ADGRL4: variants seen among roughly 807,000 people sequenced by gnomAD.
ADGRL4 encodes the protein EGF, latrophilin and seven transmembrane domain containing 1.
A neutral mutation model predicts 74.8 loss-of-function variants in ADGRL4; 90 were observed. That is an observed-to-expected ratio of 1.20 (90% confidence interval 1.02 to 1.43). The LOEUF is 1.43. Among genes scored for constraint, ADGRL4 ranks in the 40% most tolerant of loss-of-function variants. ADGRL4 has a pLI of 0.00. For missense variants in ADGRL4, 881 were observed against 814.3 expected (o/e 1.08, Z -1.00); for synonymous variants, 311 against 279.2 (o/e 1.11, Z -1.14).
At chr1:78,976,184 G>C (rs1650276891) in intron 2 of ADGRL4, among the ~76,000 whole-genome samples, 1 of 151,758 alleles carries the variant, frequency 6.6e-6, no homozygotes, top group Non-Finnish European at 1.5e-5. Context: ...ATGAGAGAAA[G>C]AATCTAGATA....
In ADGRL4 at chr1:78,921,715, A is replaced by G. The variant is rs1392422039; in HGVS notation, c.1155T>C (p.Ser385=). ...AGTATGTCAGCTCACAGCCCTCTGA[A>G]GACCAGCTGCCATTCATGGTATCAG... ...YSPDTMNGSW[S]SEGCELTYSN... is the part of the protein sequence containing the mutation. Residue 385 remains serine, a synonymous_variant, in exon 9 of 15, where the codon TCT becomes TCC. Coordinates refer to ENST00000370742, the MANE Select transcript of ADGRL4 (RefSeq NM_022159.4). The G allele has an allele frequency of 6.2e-7, 1 of 1,604,588 alleles. No individual in the cohort carries two copies. Among genetic ancestry groups the G allele is most frequent in the East Asian group, 2.3e-5 (1 of 44,020 alleles).
intron 4 of ADGRL4, 151 bp downstream of exon 4, chr1:78,939,037 A>T: frequency 9.5e-7 from 1 of 1,050,308 alleles, no homozygotes; most frequent in Non-Finnish European, 1.2e-6. Flanking sequence ...TCTTTGATGC[A>T]AACATGATGC....
At chr1:78,952,599 C>T (rs1352042399) in intron 2 of ADGRL4, among the ~76,000 whole-genome samples, 2 of 151,990 alleles carry the variant, frequency 1.3e-5, no homozygotes. Context: ...TGGATTCAAT[C>T]AGTCAAGACA....
chr1:78,952,219 C>G (rs1225466988), intron 2 of ADGRL4, among the ~76,000 whole-genome samples: 1 of 151,480 alleles, frequency 6.6e-6, no homozygotes. Flanking sequence ...TCCCTCTGGA[C>G]GTGATTGCCA....
At chr1:78,896,362 T>G (rs1648399974) in intron 12 of ADGRL4, among the ~76,000 whole-genome samples, 1 of 151,808 alleles carries the variant, frequency 6.6e-6, no homozygotes, top group Non-Finnish European at 1.5e-5. Flanking sequence ...TGTCTGTCCT[T>G]TGGCCCAATC....
At chr1:78,952,958 A>G (rs1649759752) in intron 2 of ADGRL4, among the ~76,000 whole-genome samples, 1 of 152,176 alleles carries the variant, frequency 6.6e-6, no homozygotes, top group Admixed American at 6.5e-5. Flanking sequence ...TTCTGTTTAC[A>G]CTTACTTATT....
At chr1:78,960,213 T>C (rs11587450) in intron 2 of ADGRL4, among the ~76,000 whole-genome samples, 43,722 of 152,074 alleles carry the variant, frequency 0.29, 6,324 homozygotes, top group Middle Eastern at 0.32. Flanking sequence ...CTTTAAAAAA[T>C]CTGTTTATAT....
At chr1:78,965,999 A>AAAAAAC (rs1186180999) in intron 2 of ADGRL4, among the ~76,000 whole-genome samples, 7 of 152,200 alleles carry the variant, frequency 4.6e-5, no homozygotes, top group South Asian at 2.1e-4. Context: ...ACCAAAAAAA[A>AAAAAAC]AAAAACAAAA....
intron 12 of ADGRL4, among the ~76,000 whole-genome samples, chr1:78,908,441 C>G (rs937910689): frequency 6.6e-6 from 1 of 151,926 alleles, no homozygotes; most frequent in Non-Finnish European, 1.5e-5. Flanking sequence ...AATAGCAGAA[C>G]CCCTGTAGGT....
At chr1:78,994,254 G>C (rs1650671013) in intron 2 of ADGRL4, among the ~76,000 whole-genome samples, 1 of 152,106 alleles carries the variant, frequency 6.6e-6, no homozygotes, top group Non-Finnish European at 1.5e-5. Flanking sequence ...TGGATGCTCT[G>C]TATTTACAGC....
intron 2 of ADGRL4, among the ~76,000 whole-genome samples, chr1:78,957,574 C>A (rs1043663419): frequency 6.6e-6 from 1 of 152,108 alleles, no homozygotes; most frequent in East Asian, 1.9e-4. Flanking sequence ...ACTGTAACTC[C>A]CATCAATTCC....
intron 2 of ADGRL4, among the ~76,000 whole-genome samples, chr1:78,990,801 A>G (rs1650592730): frequency 6.6e-6 from 1 of 151,976 alleles, no homozygotes; most frequent in Non-Finnish European, 1.5e-5. Flanking sequence ...GATTTGTTGT[A>G]CTTTTAAAAA....
intron 2 of ADGRL4, among the ~76,000 whole-genome samples, chr1:78,946,907 A>G (rs1283042542): frequency 6.6e-6 from 1 of 152,202 alleles, no homozygotes; most frequent in East Asian, 1.9e-4. Context: ...CTTTTCATGT[A>G]TTCATTAATG....
chr1:78,956,585 T>C (rs1170054347), intron 2 of ADGRL4, among the ~76,000 whole-genome samples: 1 of 152,198 alleles, frequency 6.6e-6, no homozygotes, highest in Non-Finnish European at 1.5e-5. Context: ...CTGTTCACTT[T>C]CTTCCCCATT....
Position 78,917,646 on chromosome 1 carries a change from G to C in ADGRL4, c.1737C>G (p.Cys579Trp), listed in dbSNP as rs375073432. 51 of 1,599,504 alleles carry C rather than the reference G, an allele frequency of 3.2e-5. No homozygotes were observed. In the African/African-American group the frequency reaches 5.3e-4, roughly 16 times the overall value. ...TATATATACATACAAGAATGATTAG[G>C]CATGCTGGTCCTATAAAACTCCAAA... is the stretch of plus-strand genomic sequence containing the variant. ...NFIWSFIGPA[C>W]LIILVNLLAF... is the part of the protein sequence containing the mutation. The change falls in exon 12 of 15, where the codon TGC becomes TGG. Residue 579 changes from cysteine to tryptophan, a missense_variant. Coordinates refer to ENST00000370742, the MANE Select transcript of ADGRL4 (RefSeq NM_022159.4).
intron 2 of ADGRL4, among the ~76,000 whole-genome samples, chr1:78,979,434 A>C (rs1427297872): frequency 1.3e-5 from 2 of 151,966 alleles, no homozygotes; most frequent in Non-Finnish European, 1.5e-5. Flanking sequence ...TAATTTGCCA[A>C]GCCATTAAAC....
At chr1:78,962,830 T>C (rs1204837612) in intron 2 of ADGRL4, among the ~76,000 whole-genome samples, 1 of 152,186 alleles carries the variant, frequency 6.6e-6, no homozygotes, top group Admixed American at 6.6e-5. Flanking sequence ...AGGATATAGT[T>C]AAATTCTATG....
intron 12 of ADGRL4, 49 bp from the exon 13 acceptor site, chr1:78,893,238 G>T (rs1183000814): frequency 3.6e-6 from 4 of 1,113,270 alleles, no homozygotes; most frequent in Admixed American, 2.0e-5. Flanking sequence ...ATCTTAAATT[G>T]GATACATATA....
chr1:78,948,613 C>T (rs939750485), intron 2 of ADGRL4, among the ~76,000 whole-genome samples: 1 of 151,944 alleles, frequency 6.6e-6, no homozygotes, highest in African/African-American at 2.4e-5. Context: ...ACTTTATTAA[C>T]ATGCATTTAA....
Sources: gnomAD v4.1 joint callset for allele counts (sites outside exome capture counted in the v4.1 genomes callset) on GRCh38, gnomAD v4.1.1 for gene constraint, MANE v1.5 for transcripts, NCBI Gene and HGNC (gene_info 2026-07-23, HGNC 2026-07-21) for gene names.